HEMK2: variants seen among roughly 807,000 people sequenced by gnomAD.
HEMK2 encodes the protein methyltransferase HEMK2.
the HEMK2 span, among the ~76,000 whole-genome samples, chr21:28,631,112 A>G: frequency 6.6e-6 from 1 of 152,170 alleles, no homozygotes; most frequent in East Asian, 1.9e-4. Context: ...TAGATATTCC[A>G]AAACTGACAT....
the HEMK2 span, among the ~76,000 whole-genome samples, chr21:28,856,822 C>T: frequency 3.9e-5 from 6 of 152,302 alleles, no homozygotes; most frequent in African/African-American, 1.4e-4. Flanking sequence ...CCCATGCTAC[C>T]AGGGTTTTGG....
the HEMK2 span, among the ~76,000 whole-genome samples, chr21:28,653,655 A>G: frequency 2.6e-5 from 4 of 152,166 alleles, no homozygotes. Flanking sequence ...TTGTTTGTTT[A>G]CAGTCTCAGC....
At chr21:28,718,956 C>T in the HEMK2 span, among the ~76,000 whole-genome samples, 12 of 152,274 alleles carry the variant, frequency 7.9e-5, no homozygotes, top group African/African-American at 2.9e-4. Context: ...TGTCTTCACT[C>T]ACAATCTTAT....
chr21:28,691,706 G>A, the HEMK2 span, among the ~76,000 whole-genome samples: 1 of 98,754 alleles, frequency 1.0e-5, no homozygotes, highest in African/African-American at 7.6e-5. Context: ...AAGAGATAGT[G>A]ATGTTACGAT....
At chr21:28,609,659 A>AAAAAG in the HEMK2 span, among the ~76,000 whole-genome samples, 2 of 151,808 alleles carry the variant, frequency 1.3e-5, no homozygotes, top group African/African-American at 4.8e-5. Context: ...AAAAAAAAAA[A>AAAAAG]AAAAGATATA....
the HEMK2 span, among the ~76,000 whole-genome samples, chr21:28,783,741 T>A: frequency 1.3e-5 from 2 of 152,018 alleles, no homozygotes; most frequent in Non-Finnish European, 2.9e-5. Context: ...CCTCTGCTTG[T>A]GGGGAGGTGT....
At chr21:28,713,495 C>G in the HEMK2 span, among the ~76,000 whole-genome samples, 2 of 152,144 alleles carry the variant, frequency 1.3e-5, no homozygotes, top group African/African-American at 4.8e-5. Context: ...CTTTAGTTCC[C>G]CAGGAAAACC....
the HEMK2 span, among the ~76,000 whole-genome samples, chr21:28,614,402 G>A: frequency 6.7e-6 from 1 of 148,400 alleles, no homozygotes; most frequent in African/African-American, 2.5e-5. Context: ...TCACTCTACT[G>A]GTTTTCATAC....
At chr21:28,878,710 C>T in the HEMK2 span, among the ~76,000 whole-genome samples, 2 of 151,628 alleles carry the variant, frequency 1.3e-5, no homozygotes, top group Admixed American at 1.3e-4. Context: ...ATATCAAGGG[C>T]TTAATAAGTT....
the HEMK2 span, among the ~76,000 whole-genome samples, chr21:28,599,056 A>G: frequency 6.6e-6 from 1 of 152,248 alleles, no homozygotes; most frequent in Non-Finnish European, 1.5e-5. Flanking sequence ...TTTAGTCTGC[A>G]CTATGGAGCT....
At chr21:28,675,327 T>A in the HEMK2 span, among the ~76,000 whole-genome samples, 1 of 152,180 alleles carries the variant, frequency 6.6e-6, no homozygotes, top group Non-Finnish European at 1.5e-5. Flanking sequence ...AATGAATACA[T>A]CTCAAGTTGG....
At chr21:28,882,631 A>T in the HEMK2 span, among the ~76,000 whole-genome samples, 8 of 152,146 alleles carry the variant, frequency 5.3e-5, no homozygotes, top group Non-Finnish European at 1.2e-4. Flanking sequence ...ACAGAAGGAA[A>T]CACAGTTGGA....
At chr21:28,783,330 A>G in the HEMK2 span, among the ~76,000 whole-genome samples, 3 of 151,952 alleles carry the variant, frequency 2.0e-5, no homozygotes, top group Non-Finnish European at 2.9e-5. Context: ...GATTACAGGC[A>G]CCCACCACCA....
chr21:28,580,568 T>TAA, the HEMK2 span, among the ~76,000 whole-genome samples: 269 of 148,220 alleles, frequency 1.8e-3, 1 homozygote, highest in South Asian at 8.1e-3. Flanking sequence ...TTAATGCACT[T>TAA]AAAAAAAAAA....
the HEMK2 span, among the ~76,000 whole-genome samples, chr21:28,628,660 G>T: frequency 6.6e-6 from 1 of 152,154 alleles, no homozygotes; most frequent in Non-Finnish European, 1.5e-5. Context: ...CACCATGTTG[G>T]CCAGGCTAGT....
the HEMK2 span, among the ~76,000 whole-genome samples, chr21:28,759,700 C>T: frequency 6.6e-6 from 1 of 152,120 alleles, no homozygotes; most frequent in Non-Finnish European, 1.5e-5. Context: ...CCACACTGTT[C>T]TAATGATAGT....
At chr21:28,615,877 A>C in the HEMK2 span, among the ~76,000 whole-genome samples, 2 of 152,226 alleles carry the variant, frequency 1.3e-5, no homozygotes, top group African/African-American at 4.8e-5. Flanking sequence ...AGTGATCTCC[A>C]GAGTGGGGTA....
the HEMK2 span, among the ~76,000 whole-genome samples, chr21:28,702,563 C>A: frequency 6.6e-6 from 1 of 152,164 alleles, no homozygotes; most frequent in African/African-American, 2.4e-5. Flanking sequence ...AAAAAATGTT[C>A]AGTGTCTCTA....
At chr21:28,704,311 G>A in the HEMK2 span, among the ~76,000 whole-genome samples, 1 of 152,070 alleles carries the variant, frequency 6.6e-6, no homozygotes, top group Non-Finnish European at 1.5e-5. Context: ...CTAATGCACT[G>A]CTCAAGCAAT....
Sources: gnomAD v4.1 joint callset for allele counts (sites outside exome capture counted in the v4.1 genomes callset) on GRCh38, gnomAD v4.1.1 for gene constraint, MANE v1.5 for transcripts, NCBI Gene and HGNC (gene_info 2026-07-23, HGNC 2026-07-21) for gene names.